ADAMTSL1: variants seen among roughly 807,000 people sequenced by gnomAD.
ADAMTSL1 encodes the protein ADAMTS-like protein 1.
A neutral mutation model predicts 201.8 loss-of-function variants in ADAMTSL1; 126 were observed. The observed-to-expected ratio is 0.62, with a 90% confidence interval of 0.54 to 0.72. ADAMTSL1 has a LOEUF of 0.72. ADAMTSL1 is among the 30% of genes least tolerant of loss of function. The pLI is 0.00. For missense variants in ADAMTSL1, 2,679 were observed against 2,277.8 expected (o/e 1.18, Z -3.59); for synonymous variants, 1,121 against 903.4 (o/e 1.24, Z -4.32).
intron 4 of ADAMTSL1, among the ~76,000 whole-genome samples, chr9:18,586,032 A>G (rs1346754128): frequency 6.6e-6 from 1 of 152,186 alleles, no homozygotes; most frequent in African/African-American, 2.4e-5. Flanking sequence ...CCAACACAAG[A>G]CAAAGATGCC....
At chr9:18,794,729 G>A (rs1822287840) in intron 19 of ADAMTSL1, among the ~76,000 whole-genome samples, 1 of 151,740 alleles carries the variant, frequency 6.6e-6, no homozygotes, top group Non-Finnish European at 1.5e-5. Flanking sequence ...TGCCCCCCAC[G>A]TTCAAGTGAT....
chr9:17,969,687 G>C (rs937661156), intron 1 of ADAMTSL1, among the ~76,000 whole-genome samples: 2 of 151,970 alleles, frequency 1.3e-5, no homozygotes, highest in Admixed American at 1.3e-4. Context: ...TTAAACACAT[G>C]TCTAATCTAT....
chr9:18,451,997 G>A (rs749882151), intron 2 of ADAMTSL1, among the ~76,000 whole-genome samples: 8 of 152,164 alleles, frequency 5.3e-5, no homozygotes, highest in Non-Finnish European at 1.0e-4. Flanking sequence ...CACAACCTCT[G>A]CCTCCCAGGT....
rs75131353 is a variant in ADAMTSL1 at position 18,735,753 on chromosome 9, T to C, written c.2006+14088T>C. Among the ~76,000 whole-genome samples, 131 of 84,948 alleles carry C rather than the reference T, an allele frequency of 1.5e-3. 1 individual carries two copies. Among genetic ancestry groups the C allele is most frequent in the Middle Eastern group, 6.0e-3 (1 of 166 alleles). 55.7% of individuals were successfully genotyped at this position (84,948 alleles called of 152,430 possible). On this transcript the variant is annotated intron_variant, in intron 15 of 28. Transcript: ENST00000380548. ...GTCAGACGGCATTCTTTTTTCTTTT[T>C]TTTTTTTTTTTTTTTGAGACAAGGT...
intron 23 of ADAMTSL1, among the ~76,000 whole-genome samples, chr9:18,842,002 T>G (rs1371259495): frequency 2.0e-5 from 3 of 151,834 alleles, no homozygotes; most frequent in African/African-American, 7.3e-5. Context: ...CTGGATTCAT[T>G]AATTTTTTGA....
rs569339974 is a variant in ADAMTSL1, at chr9:18,438,570, C to A, written c.208-66259C>A. Among the ~76,000 whole-genome samples the A allele has an allele frequency of 7.3e-4, 111 of 152,298 alleles. 2 individuals carry two copies. The South Asian group carries it at 0.022, about 31-fold the overall frequency. ...CCCATCCCCTTGCTCGGGTTTCAAG[C>A]GTGTCCCTTCCCGCACTGCCCTCTT... On this transcript the variant is annotated intron_variant, in intron 2 of 29. Coordinates refer to the ADAMTSL1 transcript ENST00000680146.
At chr9:18,209,086 G>A (rs1044689263) in intron 2 of ADAMTSL1, among the ~76,000 whole-genome samples, 2 of 152,132 alleles carry the variant, frequency 1.3e-5, no homozygotes, top group Non-Finnish European at 2.9e-5. Context: ...CAAGATATGT[G>A]TCTGTGTGTG....
At chr9:18,321,777 A>T (rs529935400) in intron 2 of ADAMTSL1, among the ~76,000 whole-genome samples, 6 of 152,306 alleles carry the variant, frequency 3.9e-5, no homozygotes, top group African/African-American at 1.4e-4. Context: ...TGGGCAACAG[A>T]GCGAGACTCC....
At chr9:17,926,445 G>C (rs531139471) in intron 1 of ADAMTSL1, among the ~76,000 whole-genome samples, 1 of 151,366 alleles carries the variant, frequency 6.6e-6, no homozygotes, top group African/African-American at 2.4e-5. Flanking sequence ...CTCACTGGGC[G>C]TACTCAGGAA....
intron 2 of ADAMTSL1, among the ~76,000 whole-genome samples, chr9:18,423,135 C>T (rs1176066975): frequency 4.6e-5 from 7 of 152,062 alleles, no homozygotes; most frequent in Non-Finnish European, 8.8e-5. Flanking sequence ...ACCTAAAGGC[C>T]CCAAGGGATT....
chr9:18,287,329 A>T (rs548667032), intron 2 of ADAMTSL1, among the ~76,000 whole-genome samples: 1 of 151,634 alleles, frequency 6.6e-6, no homozygotes, highest in Non-Finnish European at 1.5e-5. Flanking sequence ...GTATACACAC[A>T]CACACGTGTG....
intron 2 of ADAMTSL1, among the ~76,000 whole-genome samples, chr9:18,175,255 T>C (rs1254552202): frequency 2.0e-5 from 3 of 152,186 alleles, no homozygotes; most frequent in Admixed American, 1.3e-4. Context: ...GATATTGTGT[T>C]TCAAATTTGA....
At chr9:18,788,194 A>G (rs1821811614) in intron 19 of ADAMTSL1, among the ~76,000 whole-genome samples, 1 of 152,186 alleles carries the variant, frequency 6.6e-6, no homozygotes, top group African/African-American at 2.4e-5. Context: ...TTTTGTACAA[A>G]ATAAAATTCT....
At chr9:18,851,122 A>G (rs1826465768) in intron 23 of ADAMTSL1, among the ~76,000 whole-genome samples, 1 of 152,088 alleles carries the variant, frequency 6.6e-6, no homozygotes, top group Non-Finnish European at 1.5e-5. Flanking sequence ...AGTGTAAATT[A>G]CTGACCAAAA....
chr9:18,214,140 A>G (rs996817832), intron 2 of ADAMTSL1, among the ~76,000 whole-genome samples: 4 of 152,182 alleles, frequency 2.6e-5, no homozygotes, highest in Admixed American at 2.0e-4. Flanking sequence ...TTTCATGGTC[A>G]AGTTATCACC....
intron 1 of ADAMTSL1, among the ~76,000 whole-genome samples, chr9:17,924,364 G>A (rs995275373): frequency 2.0e-5 from 3 of 152,116 alleles, no homozygotes; most frequent in African/African-American, 4.8e-5. Context: ...GAGAGTGTAT[G>A]TGTCGAGGAA....
chr9:17,965,730 T>C (rs936311134), intron 1 of ADAMTSL1, among the ~76,000 whole-genome samples: 7 of 152,170 alleles, frequency 4.6e-5, no homozygotes, highest in African/African-American at 1.7e-4. Flanking sequence ...TTCTGTGAGC[T>C]GGAGGCCCCA....
At chr9:18,780,188 T>A (rs1470370943) in intron 19 of ADAMTSL1, among the ~76,000 whole-genome samples, 3 of 152,020 alleles carry the variant, frequency 2.0e-5, no homozygotes, top group East Asian at 3.9e-4. Context: ...TGGAAGGAGG[T>A]AGACAAGCAT....
At position 18,859,984 on chromosome 9, in the gene ADAMTSL1, G is replaced by T. The variant is rs141417739; in HGVS notation, c.4250-27847G>T. Among the ~76,000 whole-genome samples the T allele has an allele frequency of 1.4e-4, 22 of 152,194 alleles. No homozygotes were observed. In the East Asian group the frequency reaches 1.9e-3, roughly 13 times the overall value. ...ACTTACATTCATTGACAAGAAAATT[G>T]TCCAAGATTTATTAATCTGCCTAAT... On this transcript the variant is annotated intron_variant, in intron 23 of 28. Coordinates refer to ENST00000380548, the MANE Select transcript of ADAMTSL1 (RefSeq NM_001040272.6).
Sources: gnomAD v4.1 joint callset for allele counts (sites outside exome capture counted in the v4.1 genomes callset) on GRCh38, gnomAD v4.1.1 for gene constraint, MANE v1.5 for transcripts, NCBI Gene and HGNC (gene_info 2026-07-23, HGNC 2026-07-21) for gene names.